Variants in FUT9 observed in about 807,000 individuals in gnomAD.
The protein encoded by FUT9 is 4-galactosyl-N-acetylglucosaminide 3-alpha-L-fucosyltransferase 9.
In FUT9, 15 loss-of-function variants were observed where a neutral mutation model predicts 29.7. The ratio of observed to expected loss-of-function variants is 0.51; its 90% CI spans 0.34 to 0.78. The LOEUF (loss-of-function observed/expected upper bound fraction) is 0.78. FUT9 is among the 30% of genes least tolerant of loss of function. The pLI is 0.01. For missense variants in FUT9, 319 were observed against 425.4 expected, an observed-to-expected ratio of 0.75 and a Z score of 2.20; for synonymous variants, 169 against 153.7, an observed-to-expected ratio of 1.10 and a Z score of -0.74.
chr6:96,199,550 TGA>T (rs150916458), intron 2 of FUT9, among the ~76,000 whole-genome samples: 3 of 150,780 alleles, frequency 2.0e-5, no homozygotes, highest in African/African-American at 4.9e-5. Flanking sequence ...GTTTGGCTAA[TGA>T]GAGAGAGAGA....
rs1249947447 is a variant in FUT9 at position 96,215,484 on chromosome 6, T to A, written c.*11249T>A. 1 of 166,806 alleles carries A rather than the reference T, an allele frequency of 6.0e-6. No homozygotes were observed. 10.3% of individuals were successfully genotyped at this position (166,806 alleles called of 1,614,324 possible). A position where few individuals can be genotyped will look rare whatever the true frequency, so the allele number is the denominator to read the frequency against. On this transcript the variant is annotated 3_prime_UTR_variant, in exon 3 of 3. Transcript: ENST00000302103. The stretch of plus-strand genomic sequence containing the variant: ...CTCTCTTCAGTCATATTTCCTAAAT[T>A]CAGTGTAAGTACCTCGCTGATTTAG...
At chr6:96,023,535 T>C (rs1770110456) in intron 1 of FUT9, among the ~76,000 whole-genome samples, 1 of 151,822 alleles carries the variant, frequency 6.6e-6, no homozygotes, top group Admixed American at 6.6e-5. Flanking sequence ...ATGTGGGAGG[T>C]TACTACAAAT....
chr6:96,075,492 GTTC>G (rs564463871), intron 1 of FUT9, among the ~76,000 whole-genome samples: 49 of 152,140 alleles, frequency 3.2e-4, no homozygotes, highest in Middle Eastern at 3.4e-3. Flanking sequence ...ATATATACTA[GTTC>G]TTCTTCTTGC....
At chr6:96,119,353 T>C (rs1771975657) in intron 2 of FUT9, among the ~76,000 whole-genome samples, 2 of 152,182 alleles carry the variant, frequency 1.3e-5, no homozygotes, top group African/African-American at 4.8e-5. Flanking sequence ...TATAGTAACA[T>C]GCTATAAGTT....
chr6:96,133,998 T>C lies in FUT9; in HGVS notation c.-9+19871T>C, dbSNP rs116174924. On this transcript the variant is annotated intron_variant, in intron 2 of 2. Coordinates refer to ENST00000302103, the MANE Select transcript of FUT9 (RefSeq NM_006581.4). Reference sequence around the variant, plus strand: ...TCAAAGAGATATCCTTAAGTACTTCTTTTTTTGACTCCTAAGTATAGAAGC... The same window carrying C: ...TCAAAGAGATATCCTTAAGTACTTCCTTTTTTGACTCCTAAGTATAGAAGC... 6.5e-3 allele frequency among the ~76,000 whole-genome samples: 983 copies of C among 151,856 alleles called. 10 individuals carry two copies. Among genetic ancestry groups the C allele is most frequent in the African/African-American group, 0.023 (935 of 41,536 alleles).
At chr6:96,076,326 C>A (rs1400306086) in intron 1 of FUT9, among the ~76,000 whole-genome samples, 1 of 152,096 alleles carries the variant, frequency 6.6e-6, no homozygotes, top group East Asian at 1.9e-4. Flanking sequence ...TTAAGGACTG[C>A]AAGTTCACTT....
intron 1 of FUT9, among the ~76,000 whole-genome samples, chr6:96,077,397 TTTTC>T (rs1771157150): frequency 6.6e-6 from 1 of 152,212 alleles, no homozygotes; most frequent in African/African-American, 2.4e-5. Context: ...AATAATTTCT[TTTTC>T]TTTATTAATG....
chr6:96,175,189 T>A (rs759166870), intron 2 of FUT9, among the ~76,000 whole-genome samples: 1 of 152,116 alleles, frequency 6.6e-6, no homozygotes, highest in Non-Finnish European at 1.5e-5. Flanking sequence ...TGGCTCCCAG[T>A]TACCAGACAT....
intron 2 of FUT9, among the ~76,000 whole-genome samples, chr6:96,171,762 T>G (rs1180976980): frequency 6.6e-6 from 1 of 152,128 alleles, no homozygotes; most frequent in Non-Finnish European, 1.5e-5. Flanking sequence ...ATTCAAGACT[T>G]TCCATCACCT....
intron 1 of FUT9, among the ~76,000 whole-genome samples, chr6:96,107,462 AAGG>A (rs1221181875): frequency 5.3e-5 from 8 of 152,226 alleles, no homozygotes; most frequent in Non-Finnish European, 1.2e-4. Flanking sequence ...AAGAATGTAC[AAGG>A]AGATTTCTAG....
chr6:96,161,097 G>C (rs1217527183), intron 2 of FUT9, among the ~76,000 whole-genome samples: 1 of 152,106 alleles, frequency 6.6e-6, no homozygotes, highest in African/African-American at 2.4e-5. Flanking sequence ...ACAAGACCAA[G>C]CTCAAGGAAA....
intron 1 of FUT9, among the ~76,000 whole-genome samples, chr6:96,075,520 CAT>C (rs1218156921): frequency 6.6e-6 from 1 of 152,102 alleles, no homozygotes; most frequent in Non-Finnish European, 1.5e-5. Context: ...GCAGGTTTGA[CAT>C]ATATACAAAC....
intron 2 of FUT9, among the ~76,000 whole-genome samples, chr6:96,117,370 G>A (rs1027139107): frequency 6.6e-6 from 1 of 152,164 alleles, no homozygotes; most frequent in African/African-American, 2.4e-5. Context: ...ATATTAATTT[G>A]TGAATCTATT....
intron 1 of FUT9, among the ~76,000 whole-genome samples, chr6:96,101,844 C>T (rs1357873613): frequency 6.7e-6 from 1 of 149,290 alleles, no homozygotes; most frequent in East Asian, 2.0e-4. Context: ...TTACTAGAGA[C>T]AAGGTCTTGC....
chr6:96,171,687 G>A (rs1394968130), intron 2 of FUT9, among the ~76,000 whole-genome samples: 1 of 152,126 alleles, frequency 6.6e-6, no homozygotes, highest in Non-Finnish European at 1.5e-5. Context: ...CCTAAAGTAT[G>A]TAAAAATTCT....
At chr6:96,163,278 CTCT>C (rs1772946922) in intron 2 of FUT9, among the ~76,000 whole-genome samples, 1 of 47,802 alleles carries the variant, frequency 2.1e-5, no homozygotes, top group Non-Finnish European at 6.0e-5. Flanking sequence ...TACTTCCAAG[CTCT>C]TTTTTTTTTT....
intron 1 of FUT9, among the ~76,000 whole-genome samples, chr6:96,022,543 T>G (rs1265677036): frequency 6.6e-6 from 1 of 151,966 alleles, no homozygotes; most frequent in African/African-American, 2.4e-5. Context: ...CAAATCATGG[T>G]CAGAGCTTTC....
intron 2 of FUT9, among the ~76,000 whole-genome samples, chr6:96,195,434 A>G (rs1410129855): frequency 6.6e-6 from 1 of 152,176 alleles, no homozygotes; most frequent in Non-Finnish European, 1.5e-5. Context: ...CACAAACACA[A>G]ATTTTATAGC....
chr6:96,060,408 G>T (rs1254861758), intron 1 of FUT9, among the ~76,000 whole-genome samples: 2 of 152,142 alleles, frequency 1.3e-5, no homozygotes, highest in African/African-American at 4.8e-5. Context: ...ATTTTGAATT[G>T]TTAAGTGCTT....
Sources: allele counts gnomAD v4.1 joint callset (sites outside exome capture counted in the v4.1 genomes callset), GRCh38; gene constraint gnomAD v4.1.1; transcripts MANE v1.5; gene names NCBI Gene and HGNC (gene_info 2026-07-23, HGNC 2026-07-21).